The following AFF1 variants were observed in gnomAD, a reference collection of about 807,000 sequenced individuals.
The protein encoded by AFF1 is ALF transcription elongation factor 1.
A neutral mutation model predicts 121.7 loss-of-function variants in AFF1; 48 were observed. That is an observed-to-expected ratio of 0.39 (90% CI 0.31 to 0.50). AFF1 has a LOEUF of 0.50. Ranked by LOEUF, AFF1 falls within the 20% of genes least tolerant of loss-of-function variation. The pLI is 0.76. For missense variants in AFF1, 1,523 were observed against 1,511.7 expected, an observed-to-expected ratio of 1.01 and a Z score of -0.12; for synonymous variants, 613 against 563.0, an observed-to-expected ratio of 1.09 and a Z score of -1.26.
At chr4:87,009,239 C>T (rs1023412473) in intron 2 of AFF1, among the ~76,000 whole-genome samples, 1 of 152,230 alleles carries the variant, frequency 6.6e-6, no homozygotes, top group East Asian at 1.9e-4. Flanking sequence ...GTTGAGGAAA[C>T]TGAGGTCCAG....
At chr4:87,086,242 TTC>T (rs1723722561) in intron 5 of AFF1, among the ~76,000 whole-genome samples, 1 of 152,246 alleles carries the variant, frequency 6.6e-6, no homozygotes, top group Non-Finnish European at 1.5e-5. Context: ...GCGTTATTTG[TTC>T]TATCATTATT....
chr4:87,040,871 CTTTTTT>C (rs780348229), intron 2 of AFF1, among the ~76,000 whole-genome samples: 5 of 67,110 alleles, frequency 7.5e-5, no homozygotes, highest in African/African-American at 4.1e-4. Context: ...CCATGCCCTG[CTTTTTT>C]TTTTTTTTTT....
chr4:87,092,097 A>G (rs920236116), intron 7 of AFF1, among the ~76,000 whole-genome samples: 1 of 152,226 alleles, frequency 6.6e-6, no homozygotes, highest in African/African-American at 2.4e-5. Flanking sequence ...CAGCCTGGGC[A>G]ACATGGTGAA....
At position 87,114,785 on chromosome 4, in the gene AFF1, A is replaced by T; in HGVS notation, c.1952A>T (p.Lys651Met). ...SRDQTSKDKP[K>M]VKTKGRPRAA... is the part of the protein sequence containing the mutation. Reference sequence around the variant, plus strand: ...GACCAGACTTCCAAAGACAAGCCCAAGGTGAAGACGAAAGGACGGCCCCGG... The same window carrying T: ...GACCAGACTTCCAAAGACAAGCCCATGGTGAAGACGAAAGGACGGCCCCGG... Residue 651 changes from lysine (K) to methionine (M), a missense_variant, in exon 12 of 21, where the codon AAG (lysine) becomes ATG (methionine). Physicochemically the swap from Lys to Met is moderately conservative, Grantham distance 95 (BLOSUM62 -1). Transcript: ENST00000395146. 6.2e-7 allele frequency: 1 copy of T among 1,613,100 alleles called. No homozygotes were observed. The highest frequency in any genetic ancestry group is 8.5e-7 in the Non-Finnish European group (1 of 1,179,666).
At chr4:87,029,398 C>CTT (rs1424034346) in intron 2 of AFF1, among the ~76,000 whole-genome samples, 1 of 152,206 alleles carries the variant, frequency 6.6e-6, no homozygotes, top group African/African-American at 2.4e-5. Context: ...CCTCCTTACA[C>CTT]TGTCAGCCTG....
intron 2 of AFF1, among the ~76,000 whole-genome samples, chr4:87,014,346 T>A (rs1241283893): frequency 6.6e-6 from 1 of 152,204 alleles, no homozygotes. Context: ...CAGGGAAAAG[T>A]TAAAATGGTG....
chr4:86,985,152 TAA>T (rs1181879998), intron 2 of AFF1, among the ~76,000 whole-genome samples: 2 of 29,332 alleles, frequency 6.8e-5, no homozygotes, highest in South Asian at 1.7e-3. Context: ...GCATAATATA[TAA>T]AAATATAATA....
intron 4 of AFF1, among the ~76,000 whole-genome samples, chr4:87,080,245 A>G (rs1168096313): frequency 6.6e-6 from 1 of 152,194 alleles, no homozygotes; most frequent in Non-Finnish European, 1.5e-5. Flanking sequence ...GGTCATGTTA[A>G]AGTCAGTGTC....
intron 7 of AFF1, among the ~76,000 whole-genome samples, chr4:87,092,311 G>T (rs549702338): frequency 6.6e-6 from 1 of 152,258 alleles, no homozygotes; most frequent in South Asian, 2.1e-4. Context: ...TAAGATTGTT[G>T]CAAAGAGTTA....
intron 1 of AFF1, among the ~76,000 whole-genome samples, chr4:86,940,830 C>T (rs1229435373): frequency 6.6e-6 from 1 of 151,522 alleles, no homozygotes; most frequent in Admixed American, 6.6e-5. Context: ...GCTCATGCCT[C>T]TAATTCTAGC....
At chr4:87,085,439 CTT>C (rs912612374) in intron 5 of AFF1, among the ~76,000 whole-genome samples, 1 of 134,990 alleles carries the variant, frequency 7.4e-6, no homozygotes. Context: ...CTTTTTTCTT[CTT>C]TTTTTTTTTT....
chr4:87,050,490 C>CT (rs1462339604), intron 4 of AFF1, among the ~76,000 whole-genome samples: 2 of 152,150 alleles, frequency 1.3e-5, no homozygotes, highest in Non-Finnish European at 1.5e-5. Flanking sequence ...AGTGTGGATT[C>CT]TTTACTCCCT....
chr4:86,978,420 G>A (rs1723478861), intron 2 of AFF1, among the ~76,000 whole-genome samples: 1 of 151,920 alleles, frequency 6.6e-6, no homozygotes. Context: ...CTGACTTCAT[G>A]ATCCACCCAC....
intron 2 of AFF1, among the ~76,000 whole-genome samples, chr4:87,001,517 G>C (rs984725876): frequency 3.3e-5 from 5 of 151,980 alleles, no homozygotes; most frequent in Admixed American, 1.3e-4. Flanking sequence ...CGCCCGGCTC[G>C]TGCTTTTCTT....
chr4:87,042,390 A>G (rs1347728178), intron 2 of AFF1, among the ~76,000 whole-genome samples: 1 of 152,240 alleles, frequency 6.6e-6, no homozygotes, highest in Non-Finnish European at 1.5e-5. Flanking sequence ...CAGGGGCTCA[A>G]AGCCTACCTC....
intron 1 of AFF1, among the ~76,000 whole-genome samples, chr4:86,945,521 T>TTC: frequency 6.8e-6 from 1 of 147,986 alleles, no homozygotes; most frequent in African/African-American, 2.5e-5. Context: ...TTTTTTTTTT[T>TTC]AGACAGGGTC....
chr4:86,975,209 T>G (rs553874565), intron 2 of AFF1, among the ~76,000 whole-genome samples: 10 of 152,114 alleles, frequency 6.6e-5, no homozygotes, highest in Non-Finnish European at 1.2e-4. Context: ...CACTACTTTG[T>G]TTTTTTAGGG....
chr4:87,069,155 G>A lies in AFF1; in HGVS notation c.1060-14965G>A, dbSNP rs1428591344. 2.6e-5 allele frequency among the ~76,000 whole-genome samples: 4 copies of A among 151,978 alleles called. No homozygotes were observed. The East Asian group carries it at 7.7e-4, about 29-fold the overall frequency. ...AAATGACCTCTGTGGTTTAGTGCAT[G>A]ACCTTATAAACAAGGTAAATAAGCT... On this transcript the variant is annotated intron_variant, in intron 4 of 20. Transcript: ENST00000395146.
chr4:87,116,941 A>G (rs2149774139), intron 12 of AFF1, among the ~76,000 whole-genome samples: 2 of 152,324 alleles, frequency 1.3e-5, no homozygotes, highest in South Asian at 4.1e-4. Flanking sequence ...GGAAAACTTC[A>G]GGAACACACT....
Sources: allele counts gnomAD v4.1 joint callset (sites outside exome capture counted in the v4.1 genomes callset), GRCh38; gene constraint gnomAD v4.1.1; transcripts MANE v1.5; gene names NCBI Gene and HGNC (gene_info 2026-07-23, HGNC 2026-07-21).